Variants in BAZ1A observed in about 807,000 individuals in gnomAD.
BAZ1A encodes bromodomain adjacent to zinc finger domain protein 1A.
In BAZ1A, 50 loss-of-function variants were observed where a neutral mutation model predicts 185.2. The observed-to-expected ratio is 0.27, with a 90% CI of 0.22 to 0.34. The LOEUF (loss-of-function observed/expected upper bound fraction) is 0.34. Among genes scored for constraint, BAZ1A ranks in the 10% least tolerant of loss-of-function variants. The pLI is 1.00. For missense variants in BAZ1A, 1,356 were observed against 1,839.9 expected (o/e 0.74, Z 4.81); for synonymous variants, 571 against 615.6 (o/e 0.93, Z 1.07).
rs2042837671 is a variant in BAZ1A, at chr14:34,865,217, CA to C, written c.114-2896del. ...GAGCCACAATCATGCCACTGCACTC[CA>C]GCCTGTGTAAGAGTGAGACTGTCTG... On this transcript the variant is annotated intron_variant, in intron 2 of 26. Coordinates refer to ENST00000360310, the MANE Select transcript of BAZ1A (RefSeq NM_013448.3). Among the ~76,000 whole-genome samples, 3 of 152,074 alleles carry C rather than the reference CA, an allele frequency of 2.0e-5. No individual in the cohort carries two copies. The South Asian group carries it at 6.2e-4, about 32-fold the overall frequency.
intron 5 of BAZ1A, 47 bp downstream of exon 5, chr14:34,810,888 A>AT: frequency 2.3e-5 from 31 of 1,346,454 alleles, no homozygotes; most frequent in Non-Finnish European, 3.3e-5. Flanking sequence ...TCTAACATAC[A>AT]TAATTATTCT....
intron 3 of BAZ1A, among the ~76,000 whole-genome samples, chr14:34,855,374 T>C (rs1452161712): frequency 6.6e-6 from 1 of 152,158 alleles, no homozygotes; most frequent in East Asian, 1.9e-4. Context: ...ATTTTCTGTA[T>C]GTCTCTTTTC....
chr14:34,829,925 C>G (rs1318694259), intron 3 of BAZ1A, among the ~76,000 whole-genome samples: 1 of 152,116 alleles, frequency 6.6e-6, no homozygotes, highest in African/African-American at 2.4e-5. Context: ...GGTGTCTCAT[C>G]TCAGCTCTAG....
chr14:34,796,987 A>T (rs1394942779), intron 9 of BAZ1A, among the ~76,000 whole-genome samples: 1 of 152,220 alleles, frequency 6.6e-6, no homozygotes, highest in African/African-American at 2.4e-5. Flanking sequence ...AAATATTCTT[A>T]ATCTTTGATT....
intron 3 of BAZ1A, among the ~76,000 whole-genome samples, chr14:34,860,044 C>G (rs1316482674): frequency 6.6e-6 from 1 of 152,184 alleles, no homozygotes; most frequent in Non-Finnish European, 1.5e-5. Flanking sequence ...AAGTACTGTT[C>G]TCTTGTTCTT....
At chr14:34,802,761 G>A in intron 7 of BAZ1A, 93 bp downstream of exon 7, 3 of 1,337,664 alleles carry the variant, frequency 2.2e-6, no homozygotes, top group Non-Finnish European at 3.1e-6. Flanking sequence ...CTTCCTCTAG[G>A]CTATGGATGT....
At chr14:34,807,659 C>A (rs953466093) in intron 5 of BAZ1A, 121 bp from the exon 6 acceptor site, 16 of 594,770 alleles carry the variant, frequency 2.7e-5, no homozygotes, top group African/African-American at 2.3e-4. Context: ...AAAGGACACA[C>A]TTCATCTTCT....
rs879518334 is a variant in BAZ1A, at chr14:34,754,729, A to G, written c.4474+98T>C. On this transcript the variant is annotated intron_variant, in intron 26 of 26. Coordinates refer to ENST00000360310, the MANE Select transcript of BAZ1A (RefSeq NM_013448.3). ...AACACACATCCTTTTAGTAACAGAA[A>G]AACAGCCTCTACCTCTTTAAACAAA... 12 of 769,536 alleles carry G rather than the reference A, an allele frequency of 1.6e-5. No individual in the cohort carries two copies. The Admixed American group carries it at 3.4e-4, about 22-fold the overall frequency. 47.7% of individuals were successfully genotyped at this position (769,536 alleles called of 1,614,324 possible).
rs926652575 is a variant in BAZ1A, at chr14:34,874,243, C to T, written c.113+249G>A. The T allele has an allele frequency of 8.3e-5, 34 of 410,528 alleles. 1 individual carries two copies. In the East Asian group the frequency reaches 1.6e-3, roughly 19 times the overall value. 25.4% of individuals were successfully genotyped at this position (410,528 alleles called of 1,614,324 possible). A position where few individuals can be genotyped will look rare whatever the true frequency, so the allele number is the denominator to read the frequency against. ...GACAGCAGCGGCTAGGAGCGGTCCCCGAGGCCGGCCAGGGACCCAGCCTCC... is the reference window on the plus strand; with the variant it reads ...GACAGCAGCGGCTAGGAGCGGTCCCTGAGGCCGGCCAGGGACCCAGCCTCC... On this transcript the variant is annotated intron_variant, in intron 2 of 26. Transcript: ENST00000360310. The surrounding 1 kb of genome is among the most constrained non-coding windows in gnomAD (Gnocchi z 4.7).
chr14:34,769,857 GA>G (rs1473694940), intron 21 of BAZ1A, among the ~76,000 whole-genome samples: 2 of 152,136 alleles, frequency 1.3e-5, no homozygotes, highest in Non-Finnish European at 2.9e-5. Flanking sequence ...TTTACACAAA[GA>G]AAATCCTAAG....
At chr14:34,827,038 T>G (rs2042173993) in intron 3 of BAZ1A, among the ~76,000 whole-genome samples, 1 of 152,166 alleles carries the variant, frequency 6.6e-6, no homozygotes, top group African/African-American at 2.4e-5. Context: ...ATTTTGGGAC[T>G]TGCACCAGTG....
At chr14:34,811,647 G>C (rs966009548) in intron 4 of BAZ1A, among the ~76,000 whole-genome samples, 1 of 151,700 alleles carries the variant, frequency 6.6e-6, no homozygotes, top group Non-Finnish European at 1.5e-5. Flanking sequence ...CTTTAACTGG[G>C]GTTTTATAAG....
Position 34,774,311 on chromosome 14 carries a change from G to C in BAZ1A, c.2997+16C>G, listed in dbSNP as rs139828422. On this transcript the variant is annotated intron_variant, in intron 19 of 26. Transcript: ENST00000360310. ...CAAGTAGATTAGACAAACTAAAAAT[G>C]GGAACAAGTACAAACCTTGATGGCT... The C allele has an allele frequency of 9.4e-5, 149 of 1,587,958 alleles. No homozygotes were observed. The East Asian group carries it at 3.3e-3, about 36-fold the overall frequency.
Position 34,765,265 on chromosome 14 carries a change from G to A in BAZ1A, c.3305C>T (p.Ala1102Val). 1.9e-6 allele frequency: 3 copies of A among 1,611,370 alleles called. No homozygotes were observed. The highest frequency in any genetic ancestry group is 2.5e-6 in the Non-Finnish European group (3 of 1,178,826). The change falls in exon 22 of 27, where the codon GCC (alanine) becomes GTC (valine). Residue 1102 changes from alanine to valine, a missense_variant. Coordinates refer to ENST00000360310, the MANE Select transcript of BAZ1A (RefSeq NM_013448.3). The stretch of plus-strand genomic sequence containing the variant: ...TTTATAAGAACGCCCACTGTCACTG[G>A]CATCTTAAATGAAAAGGGAAAGTGA... ...ERRFLKAPLD[A>V]SDSGRSYKTV...
At chr14:34,863,152 CTTTTT>C (rs71121233) in intron 2 of BAZ1A, among the ~76,000 whole-genome samples, 2,034 of 44,778 alleles carry the variant, frequency 0.045, 171 homozygotes, top group African/African-American at 0.13. Flanking sequence ...CCACGCTCGG[CTTTTT>C]TTTTTTTTTT....
At chr14:34,807,357 C>T (rs1162956838) in intron 6 of BAZ1A, 94 bp downstream of exon 6, 20 of 845,516 alleles carry the variant, frequency 2.4e-5, no homozygotes, top group Admixed American at 1.0e-4. Flanking sequence ...AATCTTTAAT[C>T]ATCTTTGAAA....
chr14:34,865,372 G>C (rs1254690624), intron 2 of BAZ1A, among the ~76,000 whole-genome samples: 1 of 152,104 alleles, frequency 6.6e-6, no homozygotes, highest in Non-Finnish European at 1.5e-5. Flanking sequence ...TTTTCTATAT[G>C]TAACCATATA....
At chr14:34,790,146 C>G (rs1880745636) in intron 12 of BAZ1A, among the ~76,000 whole-genome samples, 1 of 151,274 alleles carries the variant, frequency 6.6e-6, no homozygotes, top group African/African-American at 2.4e-5. Flanking sequence ...TTTTTCCTCC[C>G]TAACATTTAA....
intron 9 of BAZ1A, among the ~76,000 whole-genome samples, chr14:34,799,120 A>C (rs1188713600): frequency 6.6e-6 from 1 of 151,766 alleles, no homozygotes; most frequent in Non-Finnish European, 1.5e-5. Context: ...CATTCTCAGC[A>C]AACTATCACA....
Sources: gnomAD v4.1 joint callset for allele counts (sites outside exome capture counted in the v4.1 genomes callset) on GRCh38, gnomAD v4.1.1 for gene constraint, Gnocchi (gnomAD v3.1) non-coding constraint, MANE v1.5 for transcripts, NCBI Gene and HGNC (gene_info 2026-07-23, HGNC 2026-07-21) for gene names.